EPB41L5: variants seen among roughly 807,000 people sequenced by gnomAD.
EPB41L5 encodes the protein band 4.1-like protein 5.
Under a neutral mutation model 106.6 loss-of-function variants are expected in EPB41L5, and 55 were observed. That is an observed-to-expected ratio of 0.52 (90% CI 0.42 to 0.65). The LOEUF (loss-of-function observed/expected upper bound fraction) is 0.65. Ranked by LOEUF, EPB41L5 falls within the 30% of genes least tolerant of loss-of-function variation. The probability of loss-of-function intolerance (pLI) is 0.00; values close to 1 mark genes in which losing one functional copy is unlikely to be tolerated. For synonymous variants in EPB41L5, 297 were observed against 306.7 expected, an observed-to-expected ratio of 0.97 and a Z score of 0.33; for missense variants, 871 against 882.1, an observed-to-expected ratio of 0.99 and a Z score of 0.16.
chr2:120,097,573 G>C (rs773792720), intron 14 of EPB41L5, among the ~76,000 whole-genome samples: 2 of 152,198 alleles, frequency 1.3e-5, no homozygotes, highest in African/African-American at 4.8e-5. Context: ...AAGAGGTGAT[G>C]TTTTAAAGGA....
At chr2:120,168,036 C>G in intron 24 of EPB41L5, 29 bp downstream of exon 24, 1 of 1,611,188 alleles carries the variant, frequency 6.2e-7, no homozygotes, top group South Asian at 1.1e-5. Flanking sequence ...ATTTGCAGTT[C>G]TTAGGCATCT....
At chr2:120,019,037 T>C in intron 1 of EPB41L5, 40 bp from the exon 2 acceptor site, 1 of 1,537,542 alleles carries the variant, frequency 6.5e-7, no homozygotes. Flanking sequence ...GAGAATCTCA[T>C]TTTTTTCCTG....
At chr2:120,146,417 AT>A in intron 20 of EPB41L5, 128 bp downstream of exon 20, 1 of 623,680 alleles carries the variant, frequency 1.6e-6, no homozygotes, top group South Asian at 2.2e-5. Context: ...ACTCTATTGT[AT>A]CCATTACAGA....
chr2:120,118,397 G>A (rs977343914), intron 16 of EPB41L5, among the ~76,000 whole-genome samples: 2 of 152,068 alleles, frequency 1.3e-5, no homozygotes, highest in African/African-American at 4.8e-5. Context: ...TGCAGAACGT[G>A]CAGGTTTGTT....
Position 120,015,925 on chromosome 2 carries a change from AAC to A in EPB41L5, c.-9+2717_-9+2718del, listed in dbSNP as rs1480123053. On this transcript the variant is annotated intron_variant, in intron 1 of 24. Coordinates refer to ENST00000263713, the MANE Select transcript of EPB41L5 (RefSeq NM_020909.4). ...CTGTCTCTAAAAAAAAAAAAAAAAA[AAC>A]ATAAAAATAAAACAACTGTATTGTA... Among the ~76,000 whole-genome samples the A allele has an allele frequency of 3.1e-4, 47 of 151,908 alleles. 1 individual carries two copies. The East Asian group carries it at 4.2e-3, about 14-fold the overall frequency.
At chr2:120,066,764 C>T (rs552283958) in intron 3 of EPB41L5, among the ~76,000 whole-genome samples, 1 of 152,196 alleles carries the variant, frequency 6.6e-6, no homozygotes, top group Non-Finnish European at 1.5e-5. Context: ...TATAGGACAA[C>T]TCCCAGTTCC....
chr2:120,125,176 A>G (rs1261513027), intron 16 of EPB41L5, among the ~76,000 whole-genome samples: 3 of 152,222 alleles, frequency 2.0e-5, no homozygotes, highest in African/African-American at 7.2e-5. Flanking sequence ...CATCAAAAGA[A>G]ATAATTTATT....
chr2:120,127,247 A>G (rs980884653), intron 16 of EPB41L5, among the ~76,000 whole-genome samples: 2 of 152,174 alleles, frequency 1.3e-5, no homozygotes, highest in Non-Finnish European at 2.9e-5. Flanking sequence ...AGTCTACTCA[A>G]AGGGTTGTGA....
chr2:120,161,009 A>C (rs12617570), intron 21 of EPB41L5, 35 bp downstream of exon 21: 1,066,183 of 1,531,990 alleles, frequency 0.7, 375,167 homozygotes, highest in Non-Finnish European at 0.72. Context: ...ATTTTTGCCA[A>C]AGACAGTTTT....
chr2:120,174,585 G>A (rs951809058), intron 24 of EPB41L5, among the ~76,000 whole-genome samples: 5 of 152,186 alleles, frequency 3.3e-5, no homozygotes, highest in Admixed American at 6.5e-5. Context: ...ATGGTTAAGT[G>A]TGTGTTTAAC....
rs928874888 is a variant in EPB41L5 at position 120,059,146 on chromosome 2, T to C, written c.286-14032T>C. Among the ~76,000 whole-genome samples the C allele has an allele frequency of 3.3e-5, 5 of 152,202 alleles. No individual in the cohort carries two copies. In the East Asian group the frequency reaches 7.7e-4, roughly 23 times the overall value. The stretch of plus-strand genomic sequence containing the variant: ...GGAAAGAAATAGCCATACACAAATA[T>C]GACCTCTGATTTTTGTCAAAGGTGC... On this transcript the variant is annotated intron_variant, in intron 3 of 24. Coordinates refer to ENST00000263713, the MANE Select transcript of EPB41L5 (RefSeq NM_020909.4).
At chr2:120,070,746 A>G (rs969049089) in intron 3 of EPB41L5, among the ~76,000 whole-genome samples, 1 of 152,222 alleles carries the variant, frequency 6.6e-6, no homozygotes, top group African/African-American at 2.4e-5. Context: ...CCACATGATT[A>G]TCTCAATAGA....
intron 16 of EPB41L5, among the ~76,000 whole-genome samples, chr2:120,111,577 T>G (rs1040480175): frequency 6.6e-6 from 1 of 152,122 alleles, no homozygotes; most frequent in African/African-American, 2.4e-5. Flanking sequence ...CACTCCAGAT[T>G]TCTTTCAGAA....
intron 2 of EPB41L5, among the ~76,000 whole-genome samples, chr2:120,032,343 A>G (rs1474212034): frequency 6.6e-6 from 1 of 152,206 alleles, no homozygotes; most frequent in Non-Finnish European, 1.5e-5. Context: ...ATGCTACTGC[A>G]CCCCAGCCTG....
chr2:120,095,033 G>T (rs1356482012), intron 14 of EPB41L5, among the ~76,000 whole-genome samples: 1 of 152,080 alleles, frequency 6.6e-6, no homozygotes, highest in Non-Finnish European at 1.5e-5. Flanking sequence ...TCTGAGTGGA[G>T]TGTTTCATAG....
intron 19 of EPB41L5, among the ~76,000 whole-genome samples, chr2:120,144,124 C>T (rs1053156348): frequency 3.9e-5 from 6 of 152,104 alleles, no homozygotes; most frequent in East Asian, 3.8e-4. Flanking sequence ...TGCATACCCC[C>T]GCAAAATTTT....
intron 10 of EPB41L5, among the ~76,000 whole-genome samples, chr2:120,086,756 G>A (rs1558862524): frequency 6.6e-6 from 1 of 152,086 alleles, no homozygotes; most frequent in Non-Finnish European, 1.5e-5. Context: ...AACAAAAAGA[G>A]TTGAAAACCA....
At chr2:120,055,444 A>G (rs944709091) in intron 3 of EPB41L5, among the ~76,000 whole-genome samples, 66 of 149,280 alleles carry the variant, frequency 4.4e-4, no homozygotes, top group Non-Finnish European at 1.8e-4. Flanking sequence ...CTTCTGATCC[A>G]TGAACATGGA....
chr2:120,028,200 T>A (rs1242107683), intron 2 of EPB41L5, among the ~76,000 whole-genome samples: 1 of 152,004 alleles, frequency 6.6e-6, no homozygotes, highest in African/African-American at 2.4e-5. Flanking sequence ...ATGCATTGAT[T>A]TTTGTGTATT....
Sources: allele counts gnomAD v4.1 joint callset (sites outside exome capture counted in the v4.1 genomes callset), GRCh38; gene constraint gnomAD v4.1.1; transcripts MANE v1.5; gene names NCBI Gene and HGNC (gene_info 2026-07-23, HGNC 2026-07-21).